FAM3D: variants seen among roughly 807,000 people sequenced by gnomAD.
The protein encoded by FAM3D is FAM3 metabolism regulating signaling molecule D, also known as protein FAM3D.
Under a neutral mutation model 29.8 loss-of-function variants are expected in FAM3D, and 26 were observed. The observed-to-expected ratio is 0.87, with a 90% confidence interval of 0.64 to 1.21. The LOEUF is 1.21. FAM3D is among the 50% of genes most tolerant of loss of function. The pLI, the probability that FAM3D is intolerant of heterozygous loss-of-function variation, is 0.00. For synonymous variants in FAM3D, 115 were observed against 102.3 expected (o/e 1.12, Z -0.75); for missense variants, 253 against 290.9 (o/e 0.87, Z 0.95).
chr3:58,650,585 G>A (rs1228351215), intron 3 of FAM3D, among the ~76,000 whole-genome samples: 1 of 152,178 alleles, frequency 6.6e-6, no homozygotes, highest in Non-Finnish European at 1.5e-5. Flanking sequence ...AGAGAGACCA[G>A]CTCTGGGGAC....
At chr3:58,652,693 C>T (rs1327486425) in intron 3 of FAM3D, among the ~76,000 whole-genome samples, 2 of 150,332 alleles carry the variant, frequency 1.3e-5, no homozygotes, top group Non-Finnish European at 2.9e-5. Flanking sequence ...CACACATTCA[C>T]CCACTCACTC....
chr3:58,659,837 G>T (rs563185288), intron 1 of FAM3D, among the ~76,000 whole-genome samples: 1 of 152,294 alleles, frequency 6.6e-6, no homozygotes, highest in South Asian at 2.1e-4. Flanking sequence ...CGAAGTAGAA[G>T]TCTGCCCAGA....
intron 1 of FAM3D, among the ~76,000 whole-genome samples, chr3:58,661,496 G>T (rs992144817): frequency 6.6e-6 from 1 of 152,172 alleles, no homozygotes; most frequent in Non-Finnish European, 1.5e-5. Context: ...TCCTCTGAAG[G>T]TGCCACGCTC....
intron 2 of FAM3D, among the ~76,000 whole-genome samples, chr3:58,655,024 G>C (rs2066751279): frequency 6.6e-6 from 1 of 152,104 alleles, no homozygotes. Context: ...CTTCCCCACT[G>C]TCACTTGGCT....
chr3:58,652,970 A>ATCCG (rs1368126077), intron 3 of FAM3D, among the ~76,000 whole-genome samples: 2 of 82,568 alleles, frequency 2.4e-5, no homozygotes, highest in Non-Finnish European at 6.1e-5. Flanking sequence ...TTATCCATCC[A>ATCCG]TCCATCCGTT....
At chr3:58,657,501 CAG>C (rs2066840829) in intron 1 of FAM3D, 1 of 152,320 alleles carries the variant, frequency 6.6e-6, no homozygotes, top group South Asian at 2.1e-4. Flanking sequence ...GGGACAGAGA[CAG>C]AGGGTAGGGG....
At chr3:58,658,830 T>G (rs759033403) in intron 1 of FAM3D, among the ~76,000 whole-genome samples, 6 of 152,220 alleles carry the variant, frequency 3.9e-5, no homozygotes, top group Non-Finnish European at 7.3e-5. Flanking sequence ...CTAAGCTAGA[T>G]GTGATAAGTC....
chr3:58,634,494 G>C lies in FAM3D; in HGVS notation c.586-126C>G. 1.3e-6 allele frequency: 1 copy of C among 752,714 alleles called. No individual in the cohort carries two copies. Among genetic ancestry groups the C allele is most frequent in the South Asian group, 1.8e-5 (1 of 54,864 alleles). The allele number at this position is 752,714 out of a possible 1,614,324, so 46.6% of individuals were successfully genotyped here. On this transcript the variant is annotated intron_variant, in intron 9 of 9. Coordinates refer to ENST00000358781, the MANE Select transcript of FAM3D (RefSeq NM_138805.3). The surrounding 1 kb of genome is among the most constrained non-coding windows in gnomAD (Gnocchi z 4.6). ...ATGTTATTAACCCACTTCACAGATG[G>C]GGAAACTGAGGCTCAGAGAGGGGAT... is the stretch of plus-strand genomic sequence containing the variant.
chr3:58,645,598 G>T lies in FAM3D; in HGVS notation c.174C>A (p.Ile58=). ...CAAAGTAGTTGGCTGGGCAGGGCTT[G>T]ATGAGGCCACACTTGTACTTTTTAA... ...IQVKKYKCGL[I]KPCPANYFAF... is the part of the protein sequence containing the mutation. Residue 58 remains isoleucine (I), a synonymous_variant, in exon 5 of 10, where the codon ATC becomes ATA. Coordinates refer to ENST00000358781, the MANE Select transcript of FAM3D (RefSeq NM_138805.3). 6.2e-7 allele frequency: 1 copy of T among 1,614,224 alleles called. No individual in the cohort carries two copies. The highest frequency in any genetic ancestry group is 2.2e-5 in the East Asian group (1 of 44,888).
At chr3:58,650,989 T>A (rs952500101) in intron 3 of FAM3D, among the ~76,000 whole-genome samples, 1 of 149,612 alleles carries the variant, frequency 6.7e-6, no homozygotes, top group Non-Finnish European at 1.5e-5. Context: ...AGTGCTGGGA[T>A]TACAGGCGTG....
At chr3:58,639,987 C>G in intron 7 of FAM3D, 140 bp downstream of exon 7, 1 of 833,892 alleles carries the variant, frequency 1.2e-6, no homozygotes, top group Non-Finnish European at 2.0e-6. Context: ...CCTCAACCCC[C>G]CACCGCACCT....
chr3:58,635,349 C>T lies in FAM3D; in HGVS notation c.585+945G>A, dbSNP rs2066133270. 6.6e-6 allele frequency among the ~76,000 whole-genome samples: 1 copy of T among 152,192 alleles called. No individual in the cohort carries two copies. The highest frequency in any genetic ancestry group is 2.1e-4 in the South Asian group (1 of 4,824). On this transcript the variant is annotated intron_variant, in intron 9 of 9. Transcript: ENST00000358781. This position sits in a 1 kb window ranked among gnomAD's most constrained non-coding sequence, Gnocchi z 5.2. The stretch of plus-strand genomic sequence containing the variant: ...AAAAAGAGATTCTAGATGCTACCTG[C>T]CTAAAACCCAGTTTCCCAAGTGTGA...
chr3:58,656,119 G>GAGCT (rs1314936948), intron 1 of FAM3D, among the ~76,000 whole-genome samples: 1 of 152,098 alleles, frequency 6.6e-6, no homozygotes, highest in Non-Finnish European at 1.5e-5. Flanking sequence ...CAGGGAGGTT[G>GAGCT]AGCTAGCTAG....
intron 6 of FAM3D, among the ~76,000 whole-genome samples, chr3:58,641,880 T>C (rs558151068): frequency 6.6e-6 from 1 of 152,088 alleles, no homozygotes; most frequent in Non-Finnish European, 1.5e-5. Context: ...TGGAGAATAT[T>C]CAAAAAGCTT....
chr3:58,640,733 GGCCGAA>G (rs1215088528), intron 6 of FAM3D, among the ~76,000 whole-genome samples: 1 of 152,246 alleles, frequency 6.6e-6, no homozygotes, highest in Non-Finnish European at 1.5e-5. Flanking sequence ...GGGAGGAGGT[GGCCGAA>G]GGCCAAGCCC....
chr3:58,634,493 G>T lies in FAM3D; in HGVS notation c.586-125C>A. 1.3e-6 allele frequency: 1 copy of T among 780,286 alleles called. No individual in the cohort carries two copies. The highest frequency in any genetic ancestry group is 2.0e-6 in the Non-Finnish European group (1 of 493,290). The allele number at this position is 780,286 out of a possible 1,614,324, so 48.3% of individuals were successfully genotyped here. A position where few individuals can be genotyped will look rare whatever the true frequency, so the allele number is the denominator to read the frequency against. On this transcript the variant is annotated intron_variant, in intron 9 of 9. Coordinates refer to ENST00000358781, the MANE Select transcript of FAM3D (RefSeq NM_138805.3). The surrounding 1 kb of genome is among the most constrained non-coding windows in gnomAD (Gnocchi z 4.6). The stretch of plus-strand genomic sequence containing the variant: ...GATGTTATTAACCCACTTCACAGAT[G>T]GGGAAACTGAGGCTCAGAGAGGGGA...
intron 2 of FAM3D, 150 bp from the exon 3 acceptor site, chr3:58,653,931 G>A (rs2066718829): frequency 5.8e-6 from 4 of 689,306 alleles, no homozygotes; most frequent in South Asian, 4.6e-5. Flanking sequence ...CATGTGGTAA[G>A]ATGTGTGAAT....
At chr3:58,652,641 C>G (rs562569551) in intron 3 of FAM3D, among the ~76,000 whole-genome samples, 126 of 152,022 alleles carry the variant, frequency 8.3e-4, no homozygotes, top group African/African-American at 3.0e-3. Flanking sequence ...TCTCCACCAA[C>G]CCATCCATCT....
chr3:58,663,397 C>A (rs1249484696), intron 1 of FAM3D, among the ~76,000 whole-genome samples: 2 of 152,134 alleles, frequency 1.3e-5, no homozygotes, highest in Non-Finnish European at 2.9e-5. Context: ...CATGTGAGCC[C>A]CCAGATCTGC....
Sources: gnomAD v4.1 joint callset for allele counts (sites outside exome capture counted in the v4.1 genomes callset) on GRCh38, gnomAD v4.1.1 for gene constraint, Gnocchi (gnomAD v3.1) non-coding constraint, MANE v1.5 for transcripts, NCBI Gene and HGNC (gene_info 2026-07-23, HGNC 2026-07-21) for gene names.